LRBA: variants seen among roughly 807,000 people sequenced by gnomAD.
LRBA encodes lipopolysaccharide-responsive and beige-like anchor protein.
A neutral mutation model predicts 330.0 loss-of-function variants in LRBA; 176 were observed. The ratio of observed to expected loss-of-function variants is 0.53; its 90% confidence interval spans 0.47 to 0.60. The LOEUF (loss-of-function observed/expected upper bound fraction) is 0.60. LRBA is among the 20% of genes least tolerant of loss of function. The pLI is 0.00. For missense variants in LRBA, 3,259 were observed against 3,444.8 expected (o/e 0.95, Z 1.35); for synonymous variants, 1,230 against 1,193.0 (o/e 1.03, Z -0.64).
chr4:150,299,977 C>G (rs892781225), intron 53 of LRBA, among the ~76,000 whole-genome samples: 3 of 152,074 alleles, frequency 2.0e-5, no homozygotes, highest in African/African-American at 7.2e-5. Flanking sequence ...AAAGCTCTGA[C>G]TTCAGCAGCT....
Position 150,683,707 on chromosome 4 carries a change from G to T in LRBA, c.5765C>A (p.Ala1922Asp), listed in dbSNP as rs769495243. ...TTCTCGTTTGTCTGCAGAATACTGG[G>T]CACACAGTGACTTGGAGAGAAAAAA... ...HRHAEFESLC[A>D]QYSADKREDE... is the part of the protein sequence containing the mutation. Residue 1922 changes from alanine to aspartate, a missense_variant, in exon 37 of 57, where the codon GCC (alanine) becomes GAC (aspartate). Transcript: ENST00000651943. 1 of 1,604,862 alleles carries T rather than the reference G, an allele frequency of 6.2e-7. No individual in the cohort carries two copies. Among genetic ancestry groups the T allele is most frequent in the African/African-American group, 1.3e-5 (1 of 74,634 alleles).
chr4:150,627,223 A>C lies in LRBA; in HGVS notation c.5922-28092T>G, dbSNP rs540758778. Among the ~76,000 whole-genome samples, 8 of 152,242 alleles carry C rather than the reference A, an allele frequency of 5.3e-5. No individual in the cohort carries two copies. In the South Asian group the frequency reaches 1.7e-3, roughly 32 times the overall value. ...GAGCCTGACTGTGTGCTGAAAATTA[A>C]TAAGTATGCAAATAATAAAACTTCA... On this transcript the variant is annotated intron_variant, in intron 37 of 56. Transcript: ENST00000651943.
intron 48 of LRBA, among the ~76,000 whole-genome samples, chr4:150,342,777 C>T (rs1354850799): frequency 1.3e-5 from 2 of 152,244 alleles, no homozygotes; most frequent in East Asian, 3.9e-4. Flanking sequence ...TGTATGTACA[C>T]AACTTGCCTC....
At chr4:150,694,474 A>AAAAAAAAAAAAAAAAAAAAAAAAAAAC (rs1222097648) in intron 36 of LRBA, among the ~76,000 whole-genome samples, 1 of 150,098 alleles carries the variant, frequency 6.7e-6, no homozygotes, top group African/African-American at 2.4e-5. Context: ...AAAAAAAAAA[A>AAAAAAAAAAAAAAAAAAAAAAAAAAAC]AAGCTATCTA....
intron 37 of LRBA, among the ~76,000 whole-genome samples, chr4:150,619,936 C>G (rs1199403665): frequency 1.3e-5 from 2 of 152,098 alleles, no homozygotes; most frequent in Non-Finnish European, 2.9e-5. Context: ...TTTTACACAA[C>G]ATAGCACAAA....
intron 40 of LRBA, among the ~76,000 whole-genome samples, chr4:150,550,989 A>T (rs1165539774): frequency 6.6e-6 from 1 of 152,138 alleles, no homozygotes; most frequent in African/African-American, 2.4e-5. Flanking sequence ...CCATTTTAAC[A>T]GTGTTGAGAG....
At chr4:150,445,384 T>TATATATATATATATATATATATATATAC (rs1433108232) in intron 44 of LRBA, among the ~76,000 whole-genome samples, 1 of 44,802 alleles carries the variant, frequency 2.2e-5, no homozygotes, top group African/African-American at 9.9e-5. Context: ...TCTCTATATA[T>TATATATATATATATATATATATATATAC]ATATATATAT....
At chr4:150,639,360 T>TAAAAAAAAAAAGAAAAA (rs1778270713) in intron 37 of LRBA, among the ~76,000 whole-genome samples, 2 of 106,694 alleles carry the variant, frequency 1.9e-5, no homozygotes, top group African/African-American at 7.4e-5. Flanking sequence ...TAAAGTATAA[T>TAAAAAAAAAAAGAAAAA]AAAAAAAAAA....
chr4:150,786,236 CTTTTGCA>C, intron 34 of LRBA, among the ~76,000 whole-genome samples: 2 of 149,916 alleles, frequency 1.3e-5, no homozygotes, highest in East Asian at 2.0e-4. Context: ...TCTTTTAAGA[CTTTTGCA>C]TTTTGCATTT....
At chr4:150,912,987 T>C (rs1441913172) in intron 9 of LRBA, among the ~76,000 whole-genome samples, 1 of 152,246 alleles carries the variant, frequency 6.6e-6, no homozygotes, top group Non-Finnish European at 1.5e-5. Flanking sequence ...TGTTGTTTAA[T>C]TTCTACATTA....
chr4:150,747,488 C>A (rs1732904634), intron 35 of LRBA, among the ~76,000 whole-genome samples: 1 of 152,166 alleles, frequency 6.6e-6, no homozygotes, highest in Non-Finnish European at 1.5e-5. Context: ...GGAAAAGAAA[C>A]TTTGACTATC....
At chr4:150,732,518 A>G (rs1730590089) in intron 36 of LRBA, among the ~76,000 whole-genome samples, 1 of 152,094 alleles carries the variant, frequency 6.6e-6, no homozygotes. Context: ...TTGATAGATA[A>G]TAATTTATCT....
At chr4:150,647,934 A>C (rs1779317604) in intron 37 of LRBA, among the ~76,000 whole-genome samples, 1 of 151,810 alleles carries the variant, frequency 6.6e-6, no homozygotes, top group South Asian at 2.1e-4. Flanking sequence ...CCCTGTGCCT[A>C]GCAGAGTGTG....
At chr4:150,738,784 T>G (rs1408929565) in intron 35 of LRBA, among the ~76,000 whole-genome samples, 2 of 151,882 alleles carry the variant, frequency 1.3e-5, no homozygotes, top group Non-Finnish European at 2.9e-5. Flanking sequence ...CTAAAGTTAT[T>G]TAAAATAATA....
At chr4:150,699,466 G>C (rs1046383719) in intron 36 of LRBA, among the ~76,000 whole-genome samples, 1 of 152,084 alleles carries the variant, frequency 6.6e-6, no homozygotes, top group African/African-American at 2.4e-5. Flanking sequence ...ATGGGAAGAG[G>C]TATTCTCCAG....
At chr4:150,650,698 T>C (rs946132503) in intron 37 of LRBA, among the ~76,000 whole-genome samples, 1 of 151,930 alleles carries the variant, frequency 6.6e-6, no homozygotes, top group African/African-American at 2.4e-5. Context: ...TAAAATGCTA[T>C]AAAAAATAAA....
intron 2 of LRBA, among the ~76,000 whole-genome samples, chr4:150,990,564 C>CA (rs1229518944): frequency 1.3e-4 from 20 of 149,854 alleles, no homozygotes; most frequent in South Asian, 2.1e-4. Flanking sequence ...CCCGTCTCTA[C>CA]AAAAAAAAAC....
chr4:150,991,510 G>A (rs1159872039), intron 2 of LRBA, among the ~76,000 whole-genome samples: 1 of 152,180 alleles, frequency 6.6e-6, no homozygotes, highest in East Asian at 1.9e-4. Context: ...ATTATGCAAC[G>A]ACATAGAGGA....
Position 150,914,191 on chromosome 4 carries a change from C to A in LRBA, c.1161+4G>T, listed in dbSNP as rs374666604. 3.2e-5 allele frequency: 51 copies of A among 1,598,466 alleles called. No individual in the cohort carries two copies. The African/African-American group carries it at 5.3e-4, about 16-fold the overall frequency. ...GGTTAAGCACAAAACAGTAAGCAAACTACCTTGTATCCCAGGCCCAACTGA... is the reference window on the plus strand; with the variant it reads ...GGTTAAGCACAAAACAGTAAGCAAAATACCTTGTATCCCAGGCCCAACTGA... On this transcript the variant is annotated splice_donor_region_variant and intron_variant, in intron 9 of 56. Transcript: ENST00000651943.
Sources: gnomAD v4.1 joint callset for allele counts (sites outside exome capture counted in the v4.1 genomes callset) on GRCh38, gnomAD v4.1.1 for gene constraint, MANE v1.5 for transcripts, NCBI Gene and HGNC (gene_info 2026-07-23, HGNC 2026-07-21) for gene names.